Variants in IRAK2 observed in about 807,000 individuals in gnomAD.
IRAK2 encodes the protein interleukin 1 receptor associated kinase 2.
A neutral mutation model predicts 72.0 loss-of-function variants in IRAK2; 57 were observed. That is an observed-to-expected ratio of 0.79 (90% CI 0.64 to 0.99). The LOEUF is 0.99. IRAK2 is among the 50% of genes least tolerant of loss of function. The probability of loss-of-function intolerance (pLI) is 0.00; values close to 1 mark genes in which losing one functional copy is unlikely to be tolerated. For missense variants in IRAK2, 790 were observed against 794.4 expected (o/e 0.99, Z 0.07); for synonymous variants, 293 against 312.7 (o/e 0.94, Z 0.67).
rs781428702 is a variant in IRAK2, at chr3:10,240,537, GCCCCCC to G, written c.1765+1511_1765+1516del. Among the ~76,000 whole-genome samples the G allele has an allele frequency of 3.3e-3, 30 of 9,140 alleles. 4 individuals carry two copies. The highest frequency in any genetic ancestry group is 0.015 in the African/African-American group (29 of 1,888). 6.0% of individuals were successfully genotyped at this position (9,140 alleles called of 152,430 possible). A position where few individuals can be genotyped will look rare whatever the true frequency, so the allele number is the denominator to read the frequency against. On this transcript the variant is annotated intron_variant, in intron 12 of 12. Transcript: ENST00000256458. ...TCTTTCTGAAATAAAAAATTAGGAA[GCCCCCC>G]CCCCCCCCCCCCGCCTTTTTTTTTT...
intron 12 of IRAK2, among the ~76,000 whole-genome samples, chr3:10,240,182 C>T (rs1167303657): frequency 3.5e-5 from 5 of 144,302 alleles, no homozygotes; most frequent in East Asian, 4.3e-4. Flanking sequence ...TCTGGCTGGG[C>T]GCAGTGGCTC....
At chr3:10,198,823 C>T (rs982042366) in intron 2 of IRAK2, among the ~76,000 whole-genome samples, 1 of 152,050 alleles carries the variant, frequency 6.6e-6, no homozygotes, top group African/African-American at 2.4e-5. Flanking sequence ...GTGACATCCC[C>T]TGTGTCATGC....
intron 1 of IRAK2, among the ~76,000 whole-genome samples, chr3:10,168,339 T>C (rs1696735398): frequency 6.6e-6 from 1 of 151,680 alleles, no homozygotes; most frequent in Non-Finnish European, 1.5e-5. Context: ...GCCTCCCAAG[T>C]AGCTGGGATT....
intron 2 of IRAK2, among the ~76,000 whole-genome samples, chr3:10,184,110 A>AG (rs1697006124): frequency 6.6e-6 from 1 of 152,214 alleles, no homozygotes; most frequent in Admixed American, 6.5e-5. Flanking sequence ...GACAGCAAGA[A>AG]GGGAAAAAGA....
chr3:10,166,150 A>G (rs1427627505), intron 1 of IRAK2, among the ~76,000 whole-genome samples: 3 of 152,208 alleles, frequency 2.0e-5, no homozygotes, highest in African/African-American at 7.2e-5. Flanking sequence ...CTTTACCATT[A>G]TAGTTTTAAA....
chr3:10,210,317 G>A (rs982369671), intron 4 of IRAK2, among the ~76,000 whole-genome samples: 1 of 151,880 alleles, frequency 6.6e-6, no homozygotes, highest in African/African-American at 2.4e-5. Flanking sequence ...GGAGGCAGAA[G>A]TTGCAGTGAG....
chr3:10,209,103 T>A (rs908375178), intron 3 of IRAK2, among the ~76,000 whole-genome samples: 10 of 152,032 alleles, frequency 6.6e-5, no homozygotes, highest in Non-Finnish European at 1.2e-4. Flanking sequence ...CCTGTTATGG[T>A]CTCTCCTGCC....
chr3:10,215,044 A>T (rs1165294914), intron 6 of IRAK2, among the ~76,000 whole-genome samples: 1 of 151,694 alleles, frequency 6.6e-6, no homozygotes, highest in Admixed American at 6.6e-5. Flanking sequence ...GTGAGCCGAG[A>T]TCATGACACT....
At chr3:10,175,408 T>G (rs912307753) in intron 1 of IRAK2, among the ~76,000 whole-genome samples, 6 of 152,168 alleles carry the variant, frequency 3.9e-5, no homozygotes, top group African/African-American at 1.2e-4. Flanking sequence ...ATTATAGGCA[T>G]GAGCCACTGT....
chr3:10,223,989 C>T (rs1430697883), intron 9 of IRAK2, among the ~76,000 whole-genome samples: 1 of 152,214 alleles, frequency 6.6e-6, no homozygotes, highest in East Asian at 1.9e-4. Context: ...AGCCCCACTG[C>T]AAGTTGTTCA....
intron 10 of IRAK2, among the ~76,000 whole-genome samples, chr3:10,227,276 T>C (rs1298988217): frequency 2.0e-5 from 3 of 151,894 alleles, no homozygotes; most frequent in African/African-American, 7.3e-5. Context: ...GGCGAAACCC[T>C]GTCTCTACTA....
rs140680177 is a variant in IRAK2 at position 10,231,806 on chromosome 3, C to A, written c.1273-2653C>A. Among the ~76,000 whole-genome samples, 303 of 152,246 alleles carry A rather than the reference C, an allele frequency of 2.0e-3. 6 individuals carry two copies. In the South Asian group the frequency reaches 0.043, roughly 22 times the overall value. On this transcript the variant is annotated intron_variant, in intron 10 of 12. Coordinates refer to ENST00000256458, the MANE Select transcript of IRAK2 (RefSeq NM_001570.4). ...CTGACATTACAGGTGTGAACCACCA[C>A]GCCCGGGCATGGTTATGTTTCTTAA... is the stretch of plus-strand genomic sequence containing the variant.
intron 3 of IRAK2, among the ~76,000 whole-genome samples, chr3:10,201,886 TAGAC>T (rs1422288528): frequency 1.3e-5 from 2 of 152,226 alleles, no homozygotes; most frequent in Non-Finnish European, 2.9e-5. Flanking sequence ...GCTTTTGTAT[TAGAC>T]AGACTCATAT....
intron 3 of IRAK2, among the ~76,000 whole-genome samples, chr3:10,201,343 G>A (rs888463439): frequency 6.6e-6 from 1 of 152,226 alleles, no homozygotes; most frequent in Non-Finnish European, 1.5e-5. Flanking sequence ...CTGCGTGCAG[G>A]CTCTGGACCG....
intron 2 of IRAK2, among the ~76,000 whole-genome samples, chr3:10,195,539 A>G (rs967533359): frequency 6.7e-6 from 1 of 148,478 alleles, no homozygotes; most frequent in African/African-American, 2.5e-5. Flanking sequence ...ACAGAGCAAC[A>G]CCCTGTCTCA....
At chr3:10,199,884 CTTTTTTT>C (rs145377518) in intron 2 of IRAK2, among the ~76,000 whole-genome samples, 1 of 124,104 alleles carries the variant, frequency 8.1e-6, no homozygotes, top group African/African-American at 3.4e-5. Flanking sequence ...AGCCACTGCT[CTTTTTTT>C]TTTTTTTTTT....
chr3:10,185,871 G>A lies in IRAK2; in HGVS notation c.277+7851G>A, dbSNP rs1311872219. Among the ~76,000 whole-genome samples, 6 of 151,372 alleles carry A rather than the reference G, an allele frequency of 4.0e-5. 1 individual carries two copies. Among genetic ancestry groups the A allele is most frequent in the Admixed American group, 2.6e-4 (4 of 15,190 alleles). ...CATCCTGGGCGACAGACTACACTCC[G>A]TCTCAAAAATAAATAAAAATGGAAA... On this transcript the variant is annotated intron_variant, in intron 2 of 12. Transcript: ENST00000256458.
chr3:10,235,178 T>C (rs915614939), intron 11 of IRAK2, among the ~76,000 whole-genome samples: 2 of 152,122 alleles, frequency 1.3e-5, no homozygotes, highest in East Asian at 3.9e-4. Flanking sequence ...AGAAAGGGAG[T>C]GTGCTCAGCC....
chr3:10,197,471 T>G (rs1697288486), intron 2 of IRAK2, among the ~76,000 whole-genome samples: 1 of 151,860 alleles, frequency 6.6e-6, no homozygotes, highest in Non-Finnish European at 1.5e-5. Flanking sequence ...ATTTAAGAGA[T>G]AACCAATATT....
Sources: allele counts gnomAD v4.1 joint callset (sites outside exome capture counted in the v4.1 genomes callset), GRCh38; gene constraint gnomAD v4.1.1; transcripts MANE v1.5; gene names NCBI Gene and HGNC (gene_info 2026-07-23, HGNC 2026-07-21).